NDUFAF2: variants seen among roughly 807,000 people sequenced by gnomAD.
NDUFAF2 encodes NADH:ubiquinone oxidoreductase complex assembly factor 2.
In NDUFAF2, 13 loss-of-function variants were observed where a neutral mutation model predicts 22.8. The observed-to-expected ratio is 0.57, with a 90% CI of 0.37 to 0.91. NDUFAF2 has a LOEUF of 0.91. Among genes scored for constraint, NDUFAF2 ranks in the 40% least tolerant of loss-of-function variants. The pLI, the probability that NDUFAF2 is intolerant of heterozygous loss-of-function variation, is 0.01. For missense variants in NDUFAF2, 162 were observed against 195.2 expected (o/e 0.83, Z 1.01); for synonymous variants, 53 against 64.2 (o/e 0.83, Z 0.84).
intron 2 of NDUFAF2, among the ~76,000 whole-genome samples, chr5:61,076,797 A>G (rs1752376634): frequency 6.6e-6 from 1 of 152,208 alleles, no homozygotes; most frequent in African/African-American, 2.4e-5. Flanking sequence ...TCTTGTAATA[A>G]TTTAGGCAAG....
At chr5:61,026,121 A>C (rs1053513593) in intron 1 of NDUFAF2, among the ~76,000 whole-genome samples, 1 of 152,142 alleles carries the variant, frequency 6.6e-6, no homozygotes, top group African/African-American at 2.4e-5. Flanking sequence ...TTCATCAGGG[A>C]GAAATCCACA....
At chr5:61,013,285 AT>A (rs59388329) in intron 1 of NDUFAF2, among the ~76,000 whole-genome samples, 1,896 of 151,672 alleles carry the variant, frequency 0.013, 35 homozygotes, top group African/African-American at 0.044. Flanking sequence ...GCTTAATTAA[AT>A]TTTTTTTTCA....
intron 2 of NDUFAF2, among the ~76,000 whole-genome samples, chr5:61,091,350 A>G (rs1752566761): frequency 6.6e-6 from 1 of 151,988 alleles, no homozygotes; most frequent in Non-Finnish European, 1.5e-5. Context: ...AGTGTCTGTT[A>G]TTTTTTGACT....
chr5:60,967,656 C>T (rs1234234058), intron 1 of NDUFAF2, among the ~76,000 whole-genome samples: 1 of 151,712 alleles, frequency 6.6e-6, no homozygotes, highest in African/African-American at 2.4e-5. Context: ...TATTGGTGTA[C>T]ATTGGCAAAC....
intron 3 of NDUFAF2, among the ~76,000 whole-genome samples, chr5:61,137,238 T>C (rs1336072624): frequency 1.3e-5 from 2 of 152,146 alleles, no homozygotes; most frequent in Non-Finnish European, 2.9e-5. Context: ...TACATATACT[T>C]CCAGATTTCC....
intron 3 of NDUFAF2, among the ~76,000 whole-genome samples, chr5:61,121,844 T>TA (rs1293116329): frequency 6.6e-6 from 1 of 151,086 alleles, no homozygotes; most frequent in Non-Finnish European, 1.5e-5. Flanking sequence ...TTTTTTTCTT[T>TA]TTTTTTTTGA....
intron 1 of NDUFAF2, among the ~76,000 whole-genome samples, chr5:61,051,334 C>G (rs1251767820): frequency 6.6e-6 from 1 of 152,132 alleles, no homozygotes; most frequent in Non-Finnish European, 1.5e-5. Context: ...ACTTATCGCT[C>G]TCTATTGCAG....
In NDUFAF2 at chr5:61,136,005, T is replaced by TTATATATATATATATATATA. The variant is rs57756292; in HGVS notation, c.259-16681_259-16662dup. Among the ~76,000 whole-genome samples, 212 of 95,904 alleles carry TTATATATATATATATATATA rather than the reference T, an allele frequency of 2.2e-3. 5 individuals are homozygous for TTATATATATATATATATATA. Among genetic ancestry groups the TTATATATATATATATATATA allele is most frequent in the African/African-American group, 3.2e-3 (59 of 18,300 alleles). The allele number at this position is 95,904 out of a possible 152,430, so 62.9% of individuals were successfully genotyped here. On this transcript the variant is annotated intron_variant, in intron 3 of 3. Coordinates refer to ENST00000296597, the MANE Select transcript of NDUFAF2 (RefSeq NM_174889.5). ...TTGGTCCCTACATCTAAGCCTGTCT[T>TTATATATATATATATATATA]TATATATATATATATATATATATAT...
chr5:60,948,963 C>T (rs1196234525), intron 1 of NDUFAF2, among the ~76,000 whole-genome samples: 2 of 152,058 alleles, frequency 1.3e-5, no homozygotes, highest in Non-Finnish European at 2.9e-5. Context: ...TATGGTCAGT[C>T]TTTTTAATTT....
intron 3 of NDUFAF2, among the ~76,000 whole-genome samples, chr5:61,114,193 T>G (rs2111788724): frequency 6.6e-6 from 1 of 152,306 alleles, no homozygotes; most frequent in East Asian, 1.9e-4. Context: ...TTCTAGATCA[T>G]GTAGGCATGG....
intron 1 of NDUFAF2, among the ~76,000 whole-genome samples, chr5:61,071,922 G>T (rs777514136): frequency 6.6e-6 from 1 of 152,176 alleles, no homozygotes; most frequent in Non-Finnish European, 1.5e-5. Flanking sequence ...TCTGAAAACA[G>T]AAGAAAATAA....
chr5:61,132,341 T>A (rs1200605535), intron 3 of NDUFAF2, among the ~76,000 whole-genome samples: 1 of 152,190 alleles, frequency 6.6e-6, no homozygotes, highest in Non-Finnish European at 1.5e-5. Flanking sequence ...GTGGGTTCCT[T>A]CTTTACCCTT....
At chr5:61,099,501 C>T (rs948131035) in intron 3 of NDUFAF2, among the ~76,000 whole-genome samples, 8 of 150,910 alleles carry the variant, frequency 5.3e-5, no homozygotes, top group African/African-American at 1.9e-4. Context: ...CTTTAAAATA[C>T]AGAATTAGCA....
chr5:61,026,257 G>A (rs1398800441), intron 1 of NDUFAF2, among the ~76,000 whole-genome samples: 2 of 151,848 alleles, frequency 1.3e-5, no homozygotes, highest in African/African-American at 4.8e-5. Context: ...GGAGGAGGGG[G>A]GAGAAATGAC....
intron 1 of NDUFAF2, among the ~76,000 whole-genome samples, chr5:60,968,487 A>G (rs1750786645): frequency 6.6e-6 from 1 of 150,812 alleles, no homozygotes; most frequent in Non-Finnish European, 1.5e-5. Context: ...TCGTCATAGA[A>G]CTACTTTTGT....
chr5:61,152,452 A>G (rs1344350415), intron 3 of NDUFAF2, among the ~76,000 whole-genome samples: 1 of 152,138 alleles, frequency 6.6e-6, no homozygotes, highest in African/African-American at 2.4e-5. Flanking sequence ...TTTTTTGAGT[A>G]GTAAATATTT....
intron 1 of NDUFAF2, among the ~76,000 whole-genome samples, chr5:60,972,237 G>A (rs1750842598): frequency 6.6e-6 from 1 of 151,380 alleles, no homozygotes; most frequent in East Asian, 2.0e-4. Context: ...CACTGTGCCT[G>A]GCCCATTTTT....
intron 1 of NDUFAF2, among the ~76,000 whole-genome samples, chr5:60,984,456 G>A (rs953190749): frequency 6.6e-6 from 1 of 152,096 alleles, no homozygotes; most frequent in East Asian, 1.9e-4. Flanking sequence ...TGGTGAGAGA[G>A]GGCATCCCTG....
chr5:60,974,801 GTTTGTTTA>G (rs981827987), intron 1 of NDUFAF2, among the ~76,000 whole-genome samples: 5 of 152,092 alleles, frequency 3.3e-5, no homozygotes, highest in African/African-American at 1.2e-4. Context: ...GTGTTTGTTT[GTTTGTTTA>G]TTTGTTTATT....
Sources: allele counts gnomAD v4.1 joint callset (sites outside exome capture counted in the v4.1 genomes callset), GRCh38; gene constraint gnomAD v4.1.1; transcripts MANE v1.5; gene names NCBI Gene and HGNC (gene_info 2026-07-23, HGNC 2026-07-21).